Variants in CHCHD6 observed in about 807,000 individuals in gnomAD.
CHCHD6 encodes the protein MICOS complex subunit MIC25.
Under a neutral mutation model 32.3 loss-of-function variants are expected in CHCHD6, and 28 were observed. The ratio of observed to expected loss-of-function variants is 0.87; its 90% CI spans 0.64 to 1.19. The LOEUF is 1.19. Ranked by LOEUF, CHCHD6 falls within the 50% of genes most tolerant of loss-of-function variation. CHCHD6 has a pLI of 0.00. For synonymous variants in CHCHD6, 122 were observed against 117.5 expected (o/e 1.04, Z -0.25); for missense variants, 333 against 307.0 (o/e 1.08, Z -0.63).
intron 4 of CHCHD6, among the ~76,000 whole-genome samples, chr3:126,795,599 GT>G (rs980277169): frequency 6.6e-6 from 1 of 152,118 alleles, no homozygotes; most frequent in Non-Finnish European, 1.5e-5. Flanking sequence ...AAGATTTTAT[GT>G]TTGGTTTGGC....
chr3:126,858,476 G>A (rs770135978), intron 5 of CHCHD6, among the ~76,000 whole-genome samples: 2 of 152,172 alleles, frequency 1.3e-5, no homozygotes, highest in Non-Finnish European at 2.9e-5. Context: ...GTGCCCCATG[G>A]CCTCTGCTGC....
intron 6 of CHCHD6, chr3:126,952,900 G>T: frequency 1.1e-6 from 1 of 901,404 alleles, no homozygotes; most frequent in African/African-American, 1.8e-5. Context: ...AGACCTATGC[G>T]GCCTGCTTGC....
intron 4 of CHCHD6, among the ~76,000 whole-genome samples, chr3:126,751,938 A>G (rs1936742575): frequency 6.6e-6 from 1 of 152,166 alleles, no homozygotes; most frequent in African/African-American, 2.4e-5. Flanking sequence ...AAAGCCTTGT[A>G]CCCTGTCCAC....
At chr3:126,955,668 A>C (rs975569907) in intron 6 of CHCHD6, among the ~76,000 whole-genome samples, 8 of 152,272 alleles carry the variant, frequency 5.3e-5, no homozygotes, top group African/African-American at 1.9e-4. Flanking sequence ...CGTTTTGTTC[A>C]TGCCCTGGGG....
intron 5 of CHCHD6, among the ~76,000 whole-genome samples, chr3:126,895,092 A>G (rs1200798832): frequency 6.6e-6 from 1 of 152,094 alleles, no homozygotes; most frequent in Non-Finnish European, 1.5e-5. Context: ...TGCTTTTTTC[A>G]CCTTAATAAG....
intron 5 of CHCHD6, among the ~76,000 whole-genome samples, chr3:126,864,211 C>T (rs1254029857): frequency 6.8e-6 from 1 of 146,082 alleles, no homozygotes; most frequent in Non-Finnish European, 1.5e-5. Flanking sequence ...ACCACCTCCT[C>T]ATCCTCCACC....
chr3:126,818,159 A>C (rs1302685488), intron 4 of CHCHD6, among the ~76,000 whole-genome samples: 1 of 152,170 alleles, frequency 6.6e-6, no homozygotes, highest in Non-Finnish European at 1.5e-5. Flanking sequence ...CTAACTAGAC[A>C]GACTCTTTTC....
chr3:126,810,925 G>A lies in CHCHD6; in HGVS notation c.412-41722G>A, dbSNP rs113288105. Among the ~76,000 whole-genome samples the A allele has an allele frequency of 6.7e-3, 1,018 of 152,288 alleles. 8 individuals are homozygous for A. Among genetic ancestry groups the A allele is most frequent in the African/African-American group, 0.023 (971 of 41,572 alleles). On this transcript the variant is annotated intron_variant, in intron 4 of 7. Coordinates refer to ENST00000290913, the MANE Select transcript of CHCHD6 (RefSeq NM_032343.3). Reference sequence around the variant, plus strand: ...CTCAGTTGTAGAGAGACTTGTGCCTGCAGGCACATGAGATGTCCTGTAGGC... The same window carrying A: ...CTCAGTTGTAGAGAGACTTGTGCCTACAGGCACATGAGATGTCCTGTAGGC...
chr3:126,860,602 AG>A (rs1190932027), intron 5 of CHCHD6, among the ~76,000 whole-genome samples: 1 of 152,240 alleles, frequency 6.6e-6, no homozygotes, highest in Admixed American at 6.5e-5. Context: ...TAATAAAAAA[AG>A]AAAAAGTTTT....
At chr3:126,809,293 G>A (rs1029543220) in intron 4 of CHCHD6, among the ~76,000 whole-genome samples, 7 of 152,062 alleles carry the variant, frequency 4.6e-5, no homozygotes, top group East Asian at 1.9e-4. Flanking sequence ...TTGCTTTGAC[G>A]GGACCCCTTC....
intron 4 of CHCHD6, among the ~76,000 whole-genome samples, chr3:126,764,431 C>G (rs541715996): frequency 6.6e-6 from 1 of 152,070 alleles, no homozygotes; most frequent in Non-Finnish European, 1.5e-5. Flanking sequence ...GACGACCTTC[C>G]CCACAACTCC....
chr3:126,755,787 C>G (rs951943438), intron 4 of CHCHD6, among the ~76,000 whole-genome samples: 1 of 151,706 alleles, frequency 6.6e-6, no homozygotes, highest in Non-Finnish European at 1.5e-5. Context: ...TGTGAAATAT[C>G]CAGGTGTTGG....
intron 4 of CHCHD6, among the ~76,000 whole-genome samples, chr3:126,743,116 G>A (rs1936348359): frequency 6.6e-6 from 1 of 152,110 alleles, no homozygotes. Context: ...GGAGCTTGTG[G>A]ACTCCTCCTC....
intron 4 of CHCHD6, among the ~76,000 whole-genome samples, chr3:126,790,931 G>A (rs1938504411): frequency 6.6e-6 from 1 of 152,166 alleles, no homozygotes; most frequent in African/African-American, 2.4e-5. Flanking sequence ...TTTCTCTTCT[G>A]TTTTTTCCCC....
intron 4 of CHCHD6, among the ~76,000 whole-genome samples, chr3:126,783,017 A>C (rs983140767): frequency 6.6e-6 from 1 of 152,128 alleles, no homozygotes; most frequent in African/African-American, 2.4e-5. Context: ...ATTATTAACT[A>C]TAGTCACCAT....
chr3:126,725,819 A>G (rs1559806192), intron 1 of CHCHD6, among the ~76,000 whole-genome samples: 1 of 152,206 alleles, frequency 6.6e-6, no homozygotes, highest in East Asian at 1.9e-4. Context: ...ACCTTGGCTC[A>G]CTTCAGTCTT....
chr3:126,906,498 T>G (rs1210977294), intron 5 of CHCHD6, among the ~76,000 whole-genome samples: 1 of 152,220 alleles, frequency 6.6e-6, no homozygotes, highest in Non-Finnish European at 1.5e-5. Flanking sequence ...GTCCAACACC[T>G]TCCGACAGCG....
At chr3:126,748,894 G>A (rs1936613393) in intron 4 of CHCHD6, among the ~76,000 whole-genome samples, 1 of 152,198 alleles carries the variant, frequency 6.6e-6, no homozygotes, top group Non-Finnish European at 1.5e-5. Context: ...AGAAACAGAT[G>A]TCAAACAAGT....
intron 4 of CHCHD6, among the ~76,000 whole-genome samples, chr3:126,739,070 C>G (rs866838145): frequency 6.6e-6 from 1 of 152,158 alleles, no homozygotes; most frequent in Non-Finnish European, 1.5e-5. Context: ...TCCCTTATAC[C>G]TCCTCCAGTG....
Sources: allele counts gnomAD v4.1 joint callset (sites outside exome capture counted in the v4.1 genomes callset), GRCh38; gene constraint gnomAD v4.1.1; transcripts MANE v1.5; gene names NCBI Gene and HGNC (gene_info 2026-07-23, HGNC 2026-07-21).